The following DCC variants were observed in gnomAD, a reference collection of about 807,000 sequenced individuals.
DCC encodes DCC netrin 1 receptor, also known as netrin receptor DCC.
In DCC, 58 loss-of-function variants were observed where a neutral mutation model predicts 172.5. That is an observed-to-expected ratio of 0.34 (90% CI 0.27 to 0.42). DCC has a LOEUF of 0.42. DCC is among the 10% of genes least tolerant of loss of function. The probability of loss-of-function intolerance (pLI) is 1.00; values close to 1 mark genes in which losing one functional copy is unlikely to be tolerated. For missense variants in DCC, 1,740 were observed against 1,791.0 expected (o/e 0.97, Z 0.51); for synonymous variants, 709 against 644.5 (o/e 1.10, Z -1.52).
chr18:52,581,101 C>G (rs2033535417), intron 1 of DCC, among the ~76,000 whole-genome samples: 1 of 152,004 alleles, frequency 6.6e-6, no homozygotes, highest in African/African-American at 2.4e-5. Context: ...AACTTACATA[C>G]AGATTTAGAT....
chr18:53,421,502 A>G (rs968479511), intron 21 of DCC, among the ~76,000 whole-genome samples: 13 of 152,354 alleles, frequency 8.5e-5, no homozygotes, highest in African/African-American at 3.1e-4. Flanking sequence ...TTACAGATCC[A>G]GATAAAGACA....
At chr18:53,496,444 C>T (rs964104685) in intron 26 of DCC, among the ~76,000 whole-genome samples, 1 of 120,804 alleles carries the variant, frequency 8.3e-6, no homozygotes, top group African/African-American at 3.2e-5. Flanking sequence ...GAAGAGACTC[C>T]ATCCGAAGGT....
intron 13 of DCC, among the ~76,000 whole-genome samples, chr18:53,319,394 C>T (rs1461091435): frequency 1.3e-5 from 2 of 151,682 alleles, no homozygotes; most frequent in Non-Finnish European, 2.9e-5. Flanking sequence ...CACACATAGG[C>T]TCAAAATAAA....
At chr18:53,424,238 G>A (rs771810602) in intron 21 of DCC, among the ~76,000 whole-genome samples, 2 of 152,076 alleles carry the variant, frequency 1.3e-5, no homozygotes, top group African/African-American at 2.4e-5. Flanking sequence ...AGTACAGAAA[G>A]GAGAAAATCA....
At chr18:53,246,701 C>A (rs2056369181) in intron 12 of DCC, among the ~76,000 whole-genome samples, 1 of 151,988 alleles carries the variant, frequency 6.6e-6, no homozygotes. Flanking sequence ...TTTCCCAAAG[C>A]AGGATTTTTA....
intron 1 of DCC, among the ~76,000 whole-genome samples, chr18:52,693,594 T>C (rs1388554957): frequency 6.6e-6 from 1 of 151,808 alleles, no homozygotes; most frequent in Non-Finnish European, 1.5e-5. Context: ...GCCTCAATTT[T>C]GGTTTTTAAA....
At chr18:52,894,979 G>A (rs2039707189) in intron 2 of DCC, among the ~76,000 whole-genome samples, 1 of 152,182 alleles carries the variant, frequency 6.6e-6, no homozygotes, top group Admixed American at 6.5e-5. Flanking sequence ...CGTAGAATTA[G>A]TCACCACACT....
intron 1 of DCC, among the ~76,000 whole-genome samples, chr18:52,423,601 G>C (rs1231392352): frequency 6.6e-6 from 1 of 152,082 alleles, no homozygotes; most frequent in Admixed American, 6.6e-5. Context: ...GGGAATGAGA[G>C]AGCAAATTCT....
rs889494004 is a variant in DCC, at chr18:53,459,236, C to A, written c.3397C>A (p.Arg1133=). 6.2e-7 allele frequency: 1 copy of A among 1,613,128 alleles called. No individual in the cohort carries two copies. Among genetic ancestry groups the A allele is most frequent in the East Asian group, 2.2e-5 (1 of 44,880 alleles). Residue 1133 remains arginine, a synonymous_variant, in exon 24 of 29, where the codon CGG becomes AGG. Coordinates refer to ENST00000442544, the MANE Select transcript of DCC (RefSeq NM_005215.4). ...RRSSAQQRKK[R]ATHSAGKRKG... is the part of the protein sequence containing the mutation. ...CCTTCTAACTTTGTTCCATAGGAAA[C>A]GGGCCACCCACAGTGCTGGCAAAAG... is the stretch of plus-strand genomic sequence containing the variant.
At chr18:53,163,197 T>G (rs1245488905) in intron 8 of DCC, among the ~76,000 whole-genome samples, 2 of 152,206 alleles carry the variant, frequency 1.3e-5, no homozygotes, top group African/African-American at 4.8e-5. Context: ...TCATGCCTCA[T>G]GTAAACATAA....
intron 26 of DCC, among the ~76,000 whole-genome samples, chr18:53,493,279 A>G (rs1400641248): frequency 6.6e-6 from 1 of 152,140 alleles, no homozygotes; most frequent in Non-Finnish European, 1.5e-5. Flanking sequence ...AACAGAGACA[A>G]TTTGACTTCC....
At chr18:52,737,173 C>T (rs1052037380) in intron 1 of DCC, among the ~76,000 whole-genome samples, 2 of 151,958 alleles carry the variant, frequency 1.3e-5, no homozygotes, top group East Asian at 3.9e-4. Context: ...TTAGAGACGA[C>T]GTGAAAGGAA....
At chr18:52,923,448 TG>T (rs566876818) in intron 3 of DCC, among the ~76,000 whole-genome samples, 4 of 152,256 alleles carry the variant, frequency 2.6e-5, no homozygotes, top group Admixed American at 2.6e-4. Context: ...AAACAATTCC[TG>T]CTTACTTATG....
At chr18:53,378,908 G>C (rs1197008227) in intron 15 of DCC, among the ~76,000 whole-genome samples, 1 of 152,136 alleles carries the variant, frequency 6.6e-6, no homozygotes, top group African/African-American at 2.4e-5. Context: ...ATCTTTATCA[G>C]GATGCCATTA....
chr18:52,994,985 T>C (rs1461186047), intron 5 of DCC, among the ~76,000 whole-genome samples: 3 of 152,148 alleles, frequency 2.0e-5, no homozygotes, highest in Non-Finnish European at 4.4e-5. Flanking sequence ...AATCCTCAAT[T>C]GTATTTTAAA....
intron 12 of DCC, among the ~76,000 whole-genome samples, chr18:53,226,948 A>ATATATATATATATATATTTTTT: frequency 9.4e-5 from 5 of 52,952 alleles, no homozygotes; most frequent in African/African-American, 3.8e-4. Context: ...ATATATATAT[A>ATATATATATATATATATTTTTT]TTTTTTTTTT....
chr18:53,076,697 C>T (rs755276872), intron 7 of DCC, among the ~76,000 whole-genome samples: 12 of 152,114 alleles, frequency 7.9e-5, no homozygotes, highest in Non-Finnish European at 1.8e-4. Flanking sequence ...AACCCATTTC[C>T]AGAATATGTG....
rs1207919157 is a variant in DCC at position 53,307,889 on chromosome 18, GTGTGTATGTATATATATATATATATATA to G, written c.2053+2172_2053+2199del. 3.1e-4 allele frequency among the ~76,000 whole-genome samples: 12 copies of G among 38,150 alleles called. 2 individuals carry two copies. The highest frequency in any genetic ancestry group is 5.4e-4 in the African/African-American group (9 of 16,818). 25.0% of individuals were successfully genotyped at this position (38,150 alleles called of 152,430 possible). A position where few individuals can be genotyped will look rare whatever the true frequency, so the allele number is the denominator to read the frequency against. Reference sequence around the variant, plus strand: ...CCATAACCCTTCTGGAAAGCAATGTGTGTGTATGTATATATATATATATATATATATATATATATATATATATATATAT... The same window carrying G: ...CCATAACCCTTCTGGAAAGCAATGTGTATATATATATATATATATATATAT... On this transcript the variant is annotated intron_variant, in intron 13 of 28. Coordinates refer to ENST00000442544, the MANE Select transcript of DCC (RefSeq NM_005215.4).
At chr18:52,877,810 T>TG (rs1775746029) in intron 2 of DCC, among the ~76,000 whole-genome samples, 1 of 27,392 alleles carries the variant, frequency 3.7e-5, no homozygotes, top group South Asian at 1.5e-3. Context: ...AGTCATGAGA[T>TG]TAAAAAAAAT....
Sources: allele counts gnomAD v4.1 joint callset (sites outside exome capture counted in the v4.1 genomes callset), GRCh38; gene constraint gnomAD v4.1.1; transcripts MANE v1.5; gene names NCBI Gene and HGNC (gene_info 2026-07-23, HGNC 2026-07-21).